STX8: variants seen among roughly 807,000 people sequenced by gnomAD.
STX8 encodes the protein syntaxin 8, also known as syntaxin-8.
In STX8, 23 loss-of-function variants were observed where a neutral mutation model predicts 37.5. That is an observed-to-expected ratio of 0.61 (90% CI 0.44 to 0.87). STX8 has a LOEUF of 0.87. Ranked by LOEUF, STX8 falls within the 40% of genes least tolerant of loss-of-function variation. The pLI, the probability that STX8 is intolerant of heterozygous loss-of-function variation, is 0.00. For synonymous variants in STX8, 115 were observed against 99.1 expected (o/e 1.16, Z -0.95); for missense variants, 313 against 284.7 (o/e 1.10, Z -0.71).
rs755290277 is a variant in STX8 at position 9,491,832 on chromosome 17, T to C, written c.538A>G (p.Asn180Asp). 2 of 1,613,012 alleles carry C rather than the reference T, an allele frequency of 1.2e-6. No homozygotes were observed. Among genetic ancestry groups the C allele is most frequent in the Non-Finnish European group, 1.7e-6 (2 of 1,179,710 alleles). The part of the protein sequence containing the change: ...QEIGNELDEQ[N>D]EIIDDLANLV... ...TCAATCCCAGACTTATTCTTACCAT[T>C]TTGTTCATCCAATTCATTCCCAATT... is the stretch of plus-strand genomic sequence containing the variant. The change falls in exon 6 of 8, where the codon AAT (asparagine) becomes GAT (aspartate). Residue 180 changes from asparagine (N) to aspartate (D), a missense_variant. By Grantham distance (23) the Asn-to-Asp change is conservative (BLOSUM62 1). Transcript: ENST00000306357.
intron 7 of STX8, among the ~76,000 whole-genome samples, chr17:9,278,996 C>T (rs572359623): frequency 2.0e-5 from 3 of 152,158 alleles, no homozygotes; most frequent in African/African-American, 7.2e-5. Flanking sequence ...CTCTCTAATC[C>T]CCATCATCAC....
At position 9,280,383 on chromosome 17, in the gene STX8, G is replaced by A. The variant is rs145579173; in HGVS notation, c.644-29738C>T. Among the ~76,000 whole-genome samples, 905 of 152,184 alleles carry A rather than the reference G, an allele frequency of 5.9e-3. 6 individuals carry two copies. The highest frequency in any genetic ancestry group is 0.021 in the African/African-American group (867 of 41,526). ...AGCCTGACTGACATCGTCAAACCCCGTTGCTATTAAAACTACAAAATTAGC... is the reference window on the plus strand; with the variant it reads ...AGCCTGACTGACATCGTCAAACCCCATTGCTATTAAAACTACAAAATTAGC... On this transcript the variant is annotated intron_variant, in intron 7 of 7. Transcript: ENST00000306357.
chr17:9,540,506 A>T (rs1906236984), intron 4 of STX8, among the ~76,000 whole-genome samples: 1 of 152,180 alleles, frequency 6.6e-6, no homozygotes, highest in African/African-American at 2.4e-5. Flanking sequence ...ATGGAAGTGA[A>T]TGAGAAATTC....
At chr17:9,311,269 G>C (rs928978777) in intron 7 of STX8, among the ~76,000 whole-genome samples, 2 of 151,810 alleles carry the variant, frequency 1.3e-5, no homozygotes, top group African/African-American at 4.8e-5. Flanking sequence ...GAAGTCAGTG[G>C]GGTAATACAG....
intron 6 of STX8, among the ~76,000 whole-genome samples, chr17:9,384,191 G>C (rs1247903207): frequency 2.7e-5 from 4 of 150,634 alleles, no homozygotes; most frequent in African/African-American, 4.9e-5. Flanking sequence ...TAAAGATACT[G>C]GTTCATTTTT....
At chr17:9,526,150 T>C (rs144760123) in intron 4 of STX8, among the ~76,000 whole-genome samples, 1,657 of 142,322 alleles carry the variant, frequency 0.012, 18 homozygotes, top group Non-Finnish European at 0.017. Context: ...AAGGGAATCA[T>C]GGTAAGATTT....
intron 7 of STX8, among the ~76,000 whole-genome samples, chr17:9,293,863 G>A (rs537063597): frequency 1.3e-5 from 2 of 151,736 alleles, no homozygotes; most frequent in South Asian, 2.1e-4. Context: ...CCGGGTTCAC[G>A]CCATTCTGCT....
chr17:9,428,378 C>A (rs984832730), intron 6 of STX8, among the ~76,000 whole-genome samples: 12 of 152,138 alleles, frequency 7.9e-5, no homozygotes, highest in Non-Finnish European at 1.6e-4. Flanking sequence ...GTAGCTGGGA[C>A]TACAGGTACC....
chr17:9,574,041 C>T (rs1004205413), intron 1 of STX8, among the ~76,000 whole-genome samples: 1 of 152,044 alleles, frequency 6.6e-6, no homozygotes, highest in Admixed American at 6.6e-5. Context: ...GAGGCCAAGG[C>T]GGGCAGATTG....
chr17:9,304,590 T>C (rs1007252011), intron 7 of STX8, among the ~76,000 whole-genome samples: 5 of 151,494 alleles, frequency 3.3e-5, no homozygotes, highest in Non-Finnish European at 7.4e-5. Flanking sequence ...TTTAATCATA[T>C]GAATTACCAA....
At chr17:9,342,051 G>A (rs1055824092) in intron 7 of STX8, among the ~76,000 whole-genome samples, 33 of 152,150 alleles carry the variant, frequency 2.2e-4, no homozygotes, top group African/African-American at 8.0e-4. Context: ...CCACGGCCTG[G>A]AGGGGAAGGG....
intron 7 of STX8, among the ~76,000 whole-genome samples, chr17:9,251,129 C>T (rs1414484234): frequency 1.3e-5 from 2 of 152,188 alleles, no homozygotes; most frequent in Non-Finnish European, 2.9e-5. Flanking sequence ...AAATATTCAC[C>T]GATAGAGGTG....
intron 6 of STX8, among the ~76,000 whole-genome samples, chr17:9,472,684 C>T (rs1192099604): frequency 6.6e-6 from 1 of 152,186 alleles, no homozygotes; most frequent in Non-Finnish European, 1.5e-5. Flanking sequence ...CTGTGGTAGC[C>T]TCCCTCTTGG....
chr17:9,393,640 T>C (rs1912303238), intron 6 of STX8, among the ~76,000 whole-genome samples: 1 of 152,230 alleles, frequency 6.6e-6, no homozygotes, highest in Non-Finnish European at 1.5e-5. Context: ...TTTTTAAGTA[T>C]GTATATTGTC....
chr17:9,372,893 C>T (rs1911458451), intron 7 of STX8, among the ~76,000 whole-genome samples: 1 of 149,652 alleles, frequency 6.7e-6, no homozygotes, highest in Non-Finnish European at 1.5e-5. Flanking sequence ...CACCTGAGGT[C>T]AGGAGATCGA....
chr17:9,281,449 T>C (rs1232624109), intron 7 of STX8, among the ~76,000 whole-genome samples: 1 of 152,152 alleles, frequency 6.6e-6, no homozygotes, highest in African/African-American at 2.4e-5. Context: ...TCTAGAAATC[T>C]TGGAATTGCT....
chr17:9,321,261 G>A (rs1909567581), intron 7 of STX8, among the ~76,000 whole-genome samples: 1 of 152,142 alleles, frequency 6.6e-6, no homozygotes, highest in Non-Finnish European at 1.5e-5. Context: ...CAGGCGCAGT[G>A]GCTGACGCCT....
chr17:9,378,696 G>A (rs114990666), intron 6 of STX8, 43 bp from the exon 7 acceptor site: 197 of 1,424,980 alleles, frequency 1.4e-4, no homozygotes, highest in Non-Finnish European at 1.9e-4. Context: ...GAAATACCCC[G>A]GTTCACATCA....
At position 9,443,574 on chromosome 17, in the gene STX8, C is replaced by T. The variant is rs551228310; in HGVS notation, c.541+48255G>A. Among the ~76,000 whole-genome samples, 4 of 152,256 alleles carry T rather than the reference C, an allele frequency of 2.6e-5. No individual in the cohort carries two copies. In the East Asian group the frequency reaches 7.7e-4, roughly 29 times the overall value. On this transcript the variant is annotated intron_variant, in intron 6 of 7. Coordinates refer to ENST00000306357, the MANE Select transcript of STX8 (RefSeq NM_004853.3). ...ATTCCCCTTGAGCCATAGAGCCACA[C>T]AGAGCCACTCCCTTGAGCCACAGAA...
Sources: allele counts gnomAD v4.1 joint callset (sites outside exome capture counted in the v4.1 genomes callset), GRCh38; gene constraint gnomAD v4.1.1; transcripts MANE v1.5; gene names NCBI Gene and HGNC (gene_info 2026-07-23, HGNC 2026-07-21).